ELP3: variants seen among roughly 807,000 people sequenced by gnomAD.
ELP3 encodes elongator complex protein 3.
A neutral mutation model predicts 74.9 loss-of-function variants in ELP3; 56 were observed. The ratio of observed to expected loss-of-function variants is 0.75; its 90% CI spans 0.60 to 0.93. ELP3 has a LOEUF of 0.93. ELP3 is among the 40% of genes least tolerant of loss of function. The pLI, the probability that ELP3 is intolerant of heterozygous loss-of-function variation, is 0.00. For missense variants in ELP3, 573 were observed against 686.5 expected (o/e 0.83, Z 1.85); for synonymous variants, 222 against 239.8 (o/e 0.93, Z 0.68).
chr8:28,184,487 C>T (rs1036382330), intron 14 of ELP3, among the ~76,000 whole-genome samples: 2 of 152,170 alleles, frequency 1.3e-5, no homozygotes, highest in African/African-American at 4.8e-5. Flanking sequence ...GCCTGTAGCT[C>T]CGTGGGAATC....
At chr8:28,142,866 T>G (rs1178185957) in intron 10 of ELP3, among the ~76,000 whole-genome samples, 6 of 150,074 alleles carry the variant, frequency 4.0e-5, no homozygotes, top group African/African-American at 1.5e-4. Flanking sequence ...TAGAATTCAT[T>G]TTTTTTTTAA....
chr8:28,111,724 CAAAA>C, intron 6 of ELP3, among the ~76,000 whole-genome samples: 1 of 151,582 alleles, frequency 6.6e-6, no homozygotes, highest in Non-Finnish European at 1.5e-5. Flanking sequence ...TTATGTTTAC[CAAAA>C]AAAGGAGCAT....
At chr8:28,101,778 C>A (rs776204011) in intron 3 of ELP3, among the ~76,000 whole-genome samples, 2 of 151,976 alleles carry the variant, frequency 1.3e-5, no homozygotes, top group Non-Finnish European at 2.9e-5. Flanking sequence ...TCAGTAGAGA[C>A]AGGGTTTCAC....
chr8:28,145,486 T>G (rs897102766), intron 10 of ELP3, among the ~76,000 whole-genome samples: 2 of 152,262 alleles, frequency 1.3e-5, no homozygotes, highest in African/African-American at 4.8e-5. Flanking sequence ...AAATCATTTG[T>G]GTCTTTCTGT....
chr8:28,153,740 G>A (rs938921734), intron 10 of ELP3, among the ~76,000 whole-genome samples: 2 of 152,200 alleles, frequency 1.3e-5, no homozygotes, highest in African/African-American at 2.4e-5. Flanking sequence ...CTACAAAGGA[G>A]ACTCTTAAAA....
chr8:28,146,127 A>G (rs1451996489), intron 10 of ELP3, among the ~76,000 whole-genome samples: 1 of 152,022 alleles, frequency 6.6e-6, no homozygotes, highest in Non-Finnish European at 1.5e-5. Flanking sequence ...GTTTTATGAC[A>G]GTTGAGTTAG....
chr8:28,153,997 A>T (rs980173518), intron 10 of ELP3, among the ~76,000 whole-genome samples: 1 of 152,204 alleles, frequency 6.6e-6, no homozygotes, highest in Admixed American at 6.5e-5. Flanking sequence ...AACTAAGGAT[A>T]CAGAGAGGAG....
chr8:28,090,851 C>T (rs147809853), upstream of ELP3, among the ~76,000 whole-genome samples: 1,163 of 150,838 alleles, frequency 7.7e-3, 16 homozygotes, highest in African/African-American at 0.026. Flanking sequence ...TTTTATCATG[C>T]AGAGGAAGCC....
intron 8 of ELP3, 30 bp downstream of exon 8, chr8:28,129,693 GTCT>G (rs1812718223): frequency 6.2e-7 from 1 of 1,611,802 alleles, no homozygotes; most frequent in Non-Finnish European, 8.5e-7. Flanking sequence ...TCTTGCACAA[GTCT>G]TCCTCCAAGT....
chr8:28,097,977 GTTC>G (rs1431833208), intron 2 of ELP3, among the ~76,000 whole-genome samples: 2 of 152,278 alleles, frequency 1.3e-5, no homozygotes, highest in African/African-American at 2.4e-5. Flanking sequence ...CAGAGCCCAT[GTTC>G]TTCTGTGCTG....
rs1000613515 is a variant in ELP3, at chr8:28,169,956, C to A, written c.1567+7878C>A. Among the ~76,000 whole-genome samples the A allele has an allele frequency of 2.6e-5, 4 of 152,134 alleles. No homozygotes were observed. The East Asian group carries it at 7.7e-4, about 29-fold the overall frequency. ...CACATGATGTGACAGCTTGCTCTCT[C>A]AGTGGGAGTGATCAGAGAGAGAGAG... On this transcript the variant is annotated intron_variant, in intron 14 of 14. Transcript: ENST00000256398.
Position 28,110,616 on chromosome 8 carries a change from CACTACT to C in ELP3, c.462+179_462+184del, listed in dbSNP as rs1811880128. 7.1e-6 allele frequency: 4 copies of C among 562,826 alleles called. No individual in the cohort carries two copies. The African/African-American group carries it at 7.7e-5, about 11-fold the overall frequency. 34.9% of individuals were successfully genotyped at this position (562,826 alleles called of 1,614,324 possible). A position where few individuals can be genotyped will look rare whatever the true frequency, so the allele number is the denominator to read the frequency against. On this transcript the variant is annotated intron_variant, in intron 6 of 14. Coordinates refer to ENST00000256398, the MANE Select transcript of ELP3 (RefSeq NM_018091.6). ...TTGCCATGCCTAGCAAGGTCAAAAA[CACTACT>C]TTCTTTAAAGACTGTATTTATTGTT...
intron 7 of ELP3, among the ~76,000 whole-genome samples, chr8:28,125,852 C>T (rs535888779): frequency 1.3e-3 from 161 of 125,272 alleles, no homozygotes; most frequent in Non-Finnish European, 2.1e-3. Flanking sequence ...TTTTTACTTT[C>T]TGAAGAATAC....
rs540975892 is a variant in ELP3 at position 28,096,401 on chromosome 8, A to C, written c.20-818A>C. The stretch of plus-strand genomic sequence containing the variant: ...CATAAAACCAGTTCCTTTTATCAAA[A>C]AGGTTGGGAACCACTGCTCTACAGG... On this transcript the variant is annotated intron_variant, in intron 1 of 14. Transcript: ENST00000256398. 3.3e-5 allele frequency among the ~76,000 whole-genome samples: 5 copies of C among 152,336 alleles called. No homozygotes were observed. In the South Asian group the frequency reaches 1.0e-3, roughly 32 times the overall value.
chr8:28,135,553 T>C (rs1483408254), intron 9 of ELP3, among the ~76,000 whole-genome samples: 1 of 152,220 alleles, frequency 6.6e-6, no homozygotes, highest in Non-Finnish European at 1.5e-5. Context: ...GGTCTTCATC[T>C]AGACCTTCCT....
intron 14 of ELP3, among the ~76,000 whole-genome samples, chr8:28,166,054 A>G (rs902834812): frequency 1.4e-4 from 22 of 152,172 alleles, no homozygotes; most frequent in Admixed American, 1.2e-3. Context: ...CATCAACTCT[A>G]AATGTGAAAA....
Position 28,151,663 on chromosome 8 carries a change from G to A in ELP3, c.1101-4279G>A, listed in dbSNP as rs146230259. Among the ~76,000 whole-genome samples the A allele has an allele frequency of 7.8e-3, 1,183 of 152,316 alleles. 10 individuals carry two copies. The highest frequency in any genetic ancestry group is 0.012 in the Non-Finnish European group (823 of 68,028). ...CCCCTGGACTGTGAACATCACAAGG[G>A]TTTCTCAGTTTTTCCTACGCCCTTA... On this transcript the variant is annotated intron_variant, in intron 10 of 14. Coordinates refer to ENST00000256398, the MANE Select transcript of ELP3 (RefSeq NM_018091.6).
chr8:28,148,671 T>C (rs1813524528), intron 10 of ELP3, among the ~76,000 whole-genome samples: 1 of 152,250 alleles, frequency 6.6e-6, no homozygotes, highest in African/African-American at 2.4e-5. Flanking sequence ...TCAAATGCAC[T>C]TTCTGTATCG....
At chr8:28,104,912 T>G (rs1448039348) in intron 3 of ELP3, among the ~76,000 whole-genome samples, 7 of 152,216 alleles carry the variant, frequency 4.6e-5, no homozygotes, top group Non-Finnish European at 1.0e-4. Context: ...ACTCCTTTAT[T>G]TGTGTGAAGG....
Sources: allele counts gnomAD v4.1 joint callset (sites outside exome capture counted in the v4.1 genomes callset), GRCh38; gene constraint gnomAD v4.1.1; transcripts MANE v1.5; gene names NCBI Gene and HGNC (gene_info 2026-07-23, HGNC 2026-07-21).